The following UBAP2 variants were observed in gnomAD, a reference collection of about 807,000 sequenced individuals.
The protein encoded by UBAP2 is ubiquitin associated protein 2, also known as ubiquitin-associated protein 2.
In UBAP2, 75 loss-of-function variants were observed where a neutral mutation model predicts 139.6. The ratio of observed to expected loss-of-function variants is 0.54; its 90% CI spans 0.45 to 0.65. The LOEUF (loss-of-function observed/expected upper bound fraction) is 0.65, where lower values mean the gene tolerates loss of function less well. Ranked by LOEUF, UBAP2 falls within the 30% of genes least tolerant of loss-of-function variation. UBAP2 has a pLI of 0.00. For missense variants in UBAP2, 1,368 were observed against 1,369.6 expected, an observed-to-expected ratio of 1.00 and a Z score of 0.02; for synonymous variants, 526 against 526.2, an observed-to-expected ratio of 1.00 and a Z score of 0.01.
chr9:33,975,302 C>T (rs969768345), intron 6 of UBAP2, among the ~76,000 whole-genome samples: 3 of 150,216 alleles, frequency 2.0e-5, no homozygotes, highest in Non-Finnish European at 3.0e-5. Context: ...CGTGGTGGCG[C>T]GCGCCAGTAG....
intron 1 of UBAP2, among the ~76,000 whole-genome samples, chr9:34,038,137 G>A (rs1826614817): frequency 9.7e-6 from 1 of 102,820 alleles, no homozygotes; most frequent in African/African-American, 3.8e-5. Flanking sequence ...CTGCACTCCA[G>A]CCTGGGAAAA....
chr9:33,995,608 AATAT>A (rs905904379), intron 4 of UBAP2: 4 of 138,094 alleles, frequency 2.9e-5, no homozygotes, highest in East Asian at 2.0e-4. Context: ...TTATTAAATA[AATAT>A]ATATTTATAA....
chr9:33,983,138 A>G (rs1227072619), intron 6 of UBAP2, among the ~76,000 whole-genome samples: 2 of 152,084 alleles, frequency 1.3e-5, no homozygotes, highest in African/African-American at 4.8e-5. Context: ...TCGGCCTCCA[A>G]AAGTGCTGGG....
intron 1 of UBAP2, among the ~76,000 whole-genome samples, chr9:34,034,350 T>C (rs1451357493): frequency 1.5e-4 from 23 of 152,198 alleles, no homozygotes; most frequent in Non-Finnish European, 1.5e-5. Flanking sequence ...AGTATATTGC[T>C]TTTATTTTAC....
At chr9:33,942,290 G>A (rs1013402506) in intron 15 of UBAP2, among the ~76,000 whole-genome samples, 9 of 151,626 alleles carry the variant, frequency 5.9e-5, no homozygotes, top group Admixed American at 2.0e-4. Flanking sequence ...CCAGCCTGGC[G>A]ACAGAGCAAG....
intron 22 of UBAP2, among the ~76,000 whole-genome samples, chr9:33,926,298 TC>T (rs1425712076): frequency 2.0e-5 from 3 of 152,210 alleles, no homozygotes; most frequent in African/African-American, 7.2e-5. Flanking sequence ...ATATGGTTTT[TC>T]TTTTTAAAAA....
intron 2 of UBAP2, among the ~76,000 whole-genome samples, chr9:34,006,155 C>T (rs2131226153): frequency 6.6e-6 from 1 of 151,776 alleles, no homozygotes; most frequent in East Asian, 1.9e-4. Context: ...ATCGCTTGAA[C>T]CCGGGAGGCC....
Position 33,989,043 on chromosome 9 carries a change from G to C in UBAP2, c.372C>G (p.Ser124Arg). Residue 124 changes from serine (S) to arginine (R), a missense_variant, in exon 5 of 29, where the codon AGC becomes AGG. By Grantham distance (110) the Ser-to-Arg change is moderately radical. Coordinates refer to ENST00000379238, the MANE Select transcript of UBAP2 (RefSeq NM_001370062.2). ...CACGTCCACGACTCGATTCTTTCTC[G>C]CTTTTCTTCTCTCTATTCTCTTTGT... ...SENKENREKK[S>R]EKESSRGRGN... The C allele has an allele frequency of 6.2e-7, 1 of 1,613,436 alleles. No individual in the cohort carries two copies. Among genetic ancestry groups the C allele is most frequent in the Non-Finnish European group, 8.5e-7 (1 of 1,179,738 alleles).
intron 19 of UBAP2, among the ~76,000 whole-genome samples, chr9:33,929,449 A>G (rs988020983): frequency 2.0e-5 from 3 of 152,152 alleles, no homozygotes; most frequent in Admixed American, 2.0e-4. Context: ...AGTCCATCCA[A>G]TGGGCCCTAT....
Position 33,960,862 on chromosome 9 carries a change from A to G in UBAP2, c.762T>C (p.Ser254=). The change falls in exon 10 of 29, where the codon TCT becomes TCC. Residue 254 remains serine, a synonymous_variant. Transcript: ENST00000379238. The part of the protein sequence containing the change: ...SYGLKGAWKN[S]VEEWTTEDWT... Reference sequence around the variant, plus strand: ...AGTCTTCTGTTGTCCACTCTTCCACAGAATTCTTCCAAGCCCCTGTTGGGA... The same window carrying G: ...AGTCTTCTGTTGTCCACTCTTCCACGGAATTCTTCCAAGCCCCTGTTGGGA... 2 of 1,614,128 alleles carry G rather than the reference A, an allele frequency of 1.2e-6. No individual in the cohort carries two copies. Among genetic ancestry groups the G allele is most frequent in the Middle Eastern group, 3.3e-4 (2 of 6,062 alleles).
intron 5 of UBAP2, among the ~76,000 whole-genome samples, chr9:33,988,712 G>A (rs966294896): frequency 3.9e-5 from 6 of 152,174 alleles, no homozygotes; most frequent in African/African-American, 1.4e-4. Flanking sequence ...GAAACCACAT[G>A]GGAGGCGCTT....
chr9:33,982,644 C>T (rs1820864216), intron 6 of UBAP2, among the ~76,000 whole-genome samples: 1 of 152,058 alleles, frequency 6.6e-6, no homozygotes, highest in Non-Finnish European at 1.5e-5. Context: ...ATAGGAAGAA[C>T]AGGTCAAATA....
chr9:34,049,101 C>T (rs1043876316), upstream of UBAP2, among the ~76,000 whole-genome samples: 1 of 152,314 alleles, frequency 6.6e-6, no homozygotes, highest in Middle Eastern at 3.4e-3. Context: ...ATAAGGGAGA[C>T]TTGATAATAT....
At position 33,954,269 on chromosome 9, in the gene UBAP2, T is replaced by TAC. The variant is rs60078088; in HGVS notation, c.867-797_867-796dup. On this transcript the variant is annotated intron_variant, in intron 11 of 28. Coordinates refer to ENST00000379238, the MANE Select transcript of UBAP2 (RefSeq NM_001370062.2). The stretch of plus-strand genomic sequence containing the variant: ...CATAATACATTTAAGTGTGTGTATA[T>TAC]ACACACACACACACACACACACACA... Among the ~76,000 whole-genome samples, 110 of 139,912 alleles carry TAC rather than the reference T, an allele frequency of 7.9e-4. 2 individuals are homozygous for TAC. Among genetic ancestry groups the TAC allele is most frequent in the African/African-American group, 2.4e-3 (88 of 37,226 alleles). 91.8% of individuals were successfully genotyped at this position (139,912 alleles called of 152,430 possible).
intron 2 of UBAP2, among the ~76,000 whole-genome samples, chr9:34,006,903 T>C (rs949647281): frequency 1.3e-5 from 2 of 152,138 alleles, no homozygotes; most frequent in Non-Finnish European, 2.9e-5. Context: ...ACTGAACATA[T>C]TATTTACTAA....
At chr9:33,934,106 G>A (rs1824245023) in intron 17 of UBAP2, 1 of 165,058 alleles carries the variant, frequency 6.1e-6, no homozygotes, top group Admixed American at 5.6e-5. Context: ...GCCAACGTAA[G>A]GCAGATTGGG....
At chr9:34,044,797 C>A (rs1827424518) in intron 1 of UBAP2, among the ~76,000 whole-genome samples, 1 of 151,884 alleles carries the variant, frequency 6.6e-6, no homozygotes, top group African/African-American at 2.4e-5. Flanking sequence ...ACCCGGTGGG[C>A]AGAGGTTGCA....
At position 33,927,790 on chromosome 9, in the gene UBAP2, CA is replaced by C; in HGVS notation, c.2371+6del. Reference sequence around the variant, plus strand: ...GGGTGGGCAGGAAAGGCCTCTGGAGCAAATACCTGAGGTCACCAAGGGCGCG... The same window carrying C: ...GGGTGGGCAGGAAAGGCCTCTGGAGCAATACCTGAGGTCACCAAGGGCGCG... On this transcript the variant is annotated splice_donor_region_variant and intron_variant, in intron 20 of 28. Transcript: ENST00000379238. 6.2e-7 allele frequency: 1 copy of C among 1,603,066 alleles called. No individual in the cohort carries two copies. The highest frequency in any genetic ancestry group is 8.5e-7 in the Non-Finnish European group (1 of 1,175,568).
At chr9:33,962,015 T>C (rs994908119) in intron 9 of UBAP2, among the ~76,000 whole-genome samples, 2 of 152,206 alleles carry the variant, frequency 1.3e-5, no homozygotes, top group Non-Finnish European at 2.9e-5. Flanking sequence ...ACCGAAAACA[T>C]TTAATTCTGT....
Sources: gnomAD v4.1 joint callset for allele counts (sites outside exome capture counted in the v4.1 genomes callset) on GRCh38, gnomAD v4.1.1 for gene constraint, MANE v1.5 for transcripts, NCBI Gene and HGNC (gene_info 2026-07-23, HGNC 2026-07-21) for gene names.